NBEAL1: variants seen among roughly 807,000 people sequenced by gnomAD.
The protein encoded by NBEAL1 is neurobeachin like 1, also known as neurobeachin-like protein 1.
In NBEAL1, 273 loss-of-function variants were observed where a neutral mutation model predicts 351.3. The ratio of observed to expected loss-of-function variants is 0.78; its 90% confidence interval spans 0.70 to 0.86. NBEAL1 has a LOEUF of 0.86. Among genes scored for constraint, NBEAL1 ranks in the 40% least tolerant of loss-of-function variants. The pLI is 0.00. For synonymous variants in NBEAL1, 1,050 were observed against 1,086.4 expected (o/e 0.97, Z 0.66); for missense variants, 2,961 against 3,201.3 (o/e 0.92, Z 1.81).
chr2:203,149,791 C>G (rs1314228589), intron 34 of NBEAL1, among the ~76,000 whole-genome samples: 1 of 152,112 alleles, frequency 6.6e-6, no homozygotes, highest in Non-Finnish European at 1.5e-5. Context: ...ATTGCCTGTT[C>G]TGGTTATTTC....
intron 7 of NBEAL1, among the ~76,000 whole-genome samples, chr2:203,070,663 A>G (rs999182212): frequency 4.6e-5 from 7 of 152,204 alleles, no homozygotes; most frequent in African/African-American, 1.7e-4. Context: ...GGGAAGCCTC[A>G]GGAGCTTTTA....
intron 10 of NBEAL1, chr2:203,085,520 A>G (rs2061947560): frequency 6.6e-6 from 1 of 152,212 alleles, no homozygotes; most frequent in Non-Finnish European, 1.5e-5. Context: ...AATTAGGCAC[A>G]AAGTTTCAGA....
At chr2:203,168,721 C>T (rs2064218531) in intron 38 of NBEAL1, among the ~76,000 whole-genome samples, 1 of 151,908 alleles carries the variant, frequency 6.6e-6, no homozygotes, top group Non-Finnish European at 1.5e-5. Flanking sequence ...TGGTGAAACC[C>T]CATCTCTACT....
intron 14 of NBEAL1, among the ~76,000 whole-genome samples, chr2:203,108,653 T>A (rs938683172): frequency 6.6e-6 from 1 of 152,024 alleles, no homozygotes; most frequent in East Asian, 1.9e-4. Context: ...TCCACCCACC[T>A]CGGCCTCCCA....
At chr2:203,099,584 G>C in intron 11 of NBEAL1, 45 bp from the exon 12 acceptor site, 1 of 1,280,112 alleles carries the variant, frequency 7.8e-7, no homozygotes, top group Non-Finnish European at 1.1e-6. Context: ...AATAAAAATC[G>C]TGAGCACATT....
chr2:203,116,376 A>G (rs1305942956), intron 18 of NBEAL1, among the ~76,000 whole-genome samples: 2 of 152,230 alleles, frequency 1.3e-5, no homozygotes, highest in Non-Finnish European at 2.9e-5. Flanking sequence ...CTCATAGTTT[A>G]CTGGAAGGAA....
Position 203,138,195 on chromosome 2 carries a change from A to G in NBEAL1, c.4599A>G (p.Ser1533=), listed in dbSNP as rs773520246. The G allele has an allele frequency of 6.2e-7, 1 of 1,614,008 alleles. No homozygotes were observed. Among genetic ancestry groups the G allele is most frequent in the Admixed American group, 1.7e-5 (1 of 60,010 alleles). Residue 1533 remains serine, a synonymous_variant, in exon 30 of 56, where the codon TCA becomes TCG. Coordinates refer to ENST00000683969, the MANE Select transcript of NBEAL1 (RefSeq NM_001378026.1). The part of the protein sequence containing the change: ...LLQKMLEWAI[S]ENREAKTNPV... Reference sequence around the variant, plus strand: ...AAAAGATGTTAGAATGGGCAATCTCAGAAAACAGAGAAGCAAAAACTAATC... The same window carrying G: ...AAAAGATGTTAGAATGGGCAATCTCGGAAAACAGAGAAGCAAAAACTAATC...
At chr2:203,090,879 ACT>A (rs1456897662) in intron 10 of NBEAL1, among the ~76,000 whole-genome samples, 3 of 151,832 alleles carry the variant, frequency 2.0e-5, no homozygotes, top group Non-Finnish European at 4.4e-5. Context: ...ACAGAGCAAG[ACT>A]CTGTCTTAAG....
chr2:203,203,139 G>C (rs1373996974), intron 51 of NBEAL1, among the ~76,000 whole-genome samples: 1 of 151,626 alleles, frequency 6.6e-6, no homozygotes, highest in Non-Finnish European at 1.5e-5. Context: ...TAATAATATT[G>C]GTCCAGGAAG....
At chr2:203,116,627 C>CAAA (rs3053110) in intron 18 of NBEAL1, among the ~76,000 whole-genome samples, 47,622 of 136,484 alleles carry the variant, frequency 0.35, 8,442 homozygotes, top group East Asian at 0.51. Context: ...TGAAAAATGC[C>CAAA]AAAAAAAAAA....
intron 8 of NBEAL1, 138 bp downstream of exon 8, chr2:203,077,975 T>C: frequency 2.4e-6 from 1 of 421,314 alleles, no homozygotes; most frequent in Non-Finnish European, 4.1e-6. Flanking sequence ...GTAACTAATC[T>C]ACTTCTTTTA....
intron 12 of NBEAL1, among the ~76,000 whole-genome samples, chr2:203,105,210 C>T (rs983786127): frequency 4.0e-5 from 6 of 151,842 alleles, no homozygotes; most frequent in Non-Finnish European, 5.9e-5. Flanking sequence ...CACCTGTGAT[C>T]CCAGCACTTT....
chr2:203,131,926 C>A (rs1008049226), intron 25 of NBEAL1, 47 bp from the exon 26 acceptor site: 9 of 1,311,920 alleles, frequency 6.9e-6, no homozygotes, highest in Middle Eastern at 1.9e-4. Context: ...AAATGACAAA[C>A]TATTCTTAAT....
At chr2:203,161,624 G>A (rs1215702061) in intron 36 of NBEAL1, among the ~76,000 whole-genome samples, 5 of 144,888 alleles carry the variant, frequency 3.5e-5, no homozygotes, top group African/African-American at 1.0e-4. Context: ...GCAAGACTCC[G>A]TCTCAAATAA....
At chr2:203,019,568 A>G (rs2060734540) in intron 2 of NBEAL1, among the ~76,000 whole-genome samples, 1 of 152,322 alleles carries the variant, frequency 6.6e-6, no homozygotes, top group East Asian at 1.9e-4. Context: ...AAGATTTATG[A>G]AGGACTGCTT....
intron 46 of NBEAL1, among the ~76,000 whole-genome samples, chr2:203,192,329 G>T (rs2065114939): frequency 6.6e-6 from 1 of 151,652 alleles, no homozygotes; most frequent in Non-Finnish European, 1.5e-5. Context: ...TGATGAAAAT[G>T]ATACAAAAAT....
chr2:203,017,984 A>G (rs747308598), intron 2 of NBEAL1, among the ~76,000 whole-genome samples: 10 of 152,002 alleles, frequency 6.6e-5, no homozygotes, highest in Non-Finnish European at 1.0e-4. Flanking sequence ...ACGATTTAAA[A>G]TTTTTTCACT....
chr2:203,178,461 C>G (rs1320413480), intron 42 of NBEAL1, among the ~76,000 whole-genome samples: 1 of 152,148 alleles, frequency 6.6e-6, no homozygotes, highest in Non-Finnish European at 1.5e-5. Flanking sequence ...GCCACCTCAC[C>G]TGGCCATACC....
intron 7 of NBEAL1, among the ~76,000 whole-genome samples, chr2:203,075,308 C>G (rs1232996377): frequency 6.6e-6 from 1 of 151,958 alleles, no homozygotes; most frequent in Non-Finnish European, 1.5e-5. Flanking sequence ...AATAACATTC[C>G]TTGCCTTGAT....
Sources: allele counts gnomAD v4.1 joint callset (sites outside exome capture counted in the v4.1 genomes callset), GRCh38; gene constraint gnomAD v4.1.1; transcripts MANE v1.5; gene names NCBI Gene and HGNC (gene_info 2026-07-23, HGNC 2026-07-21).